The following ATP8A1 variants were observed in gnomAD, a reference collection of about 807,000 sequenced individuals.
The protein encoded by ATP8A1 is ATPase phospholipid transporting 8A1.
In ATP8A1, 90 loss-of-function variants were observed where a neutral mutation model predicts 177.7. The observed-to-expected ratio is 0.51, with a 90% CI of 0.43 to 0.60. The LOEUF is 0.60. Ranked by LOEUF, ATP8A1 falls within the 20% of genes least tolerant of loss-of-function variation. The pLI is 0.00. For synonymous variants in ATP8A1, 493 were observed against 485.9 expected, an observed-to-expected ratio of 1.01 and a Z score of -0.19; for missense variants, 1,072 against 1,392.8, an observed-to-expected ratio of 0.77 and a Z score of 3.67.
intron 16 of ATP8A1, 95 bp from the exon 17 acceptor site, chr4:42,552,705 T>C (rs1245954214): frequency 1.1e-6 from 1 of 881,974 alleles, no homozygotes; most frequent in Non-Finnish European, 1.8e-6. Flanking sequence ...ACATAGTTGT[T>C]GGCCAGACAT....
chr4:42,528,899 C>A (rs183400355), intron 20 of ATP8A1, among the ~76,000 whole-genome samples: 158 of 152,248 alleles, frequency 1.0e-3, no homozygotes, highest in Admixed American at 2.5e-3. Context: ...GACCTTCTAC[C>A]CCAGTAAAAT....
intron 33 of ATP8A1, among the ~76,000 whole-genome samples, chr4:42,438,656 C>T (rs748081125): frequency 2.1e-4 from 32 of 151,768 alleles, no homozygotes; most frequent in Non-Finnish European, 2.8e-4. Flanking sequence ...CTGGGAAAAG[C>T]GGGGAAATGG....
intron 3 of ATP8A1, chr4:42,625,232 T>C (rs1237687757): frequency 6.4e-6 from 1 of 156,852 alleles, no homozygotes; most frequent in Non-Finnish European, 1.4e-5. Flanking sequence ...ATGCTACTTT[T>C]TAATAAACTA....
chr4:42,478,018 C>T (rs891315516), intron 25 of ATP8A1, among the ~76,000 whole-genome samples: 1 of 151,780 alleles, frequency 6.6e-6, no homozygotes, highest in African/African-American at 2.4e-5. Context: ...ATTCGTTCTA[C>T]ATATAGTGAC....
chr4:42,627,499 A>G (rs1219747513), intron 1 of ATP8A1, among the ~76,000 whole-genome samples: 2 of 152,250 alleles, frequency 1.3e-5, no homozygotes, highest in South Asian at 2.1e-4. Flanking sequence ...AAGCATATGC[A>G]TTTAATACTT....
At chr4:42,566,536 C>T (rs1731366941) in intron 15 of ATP8A1, among the ~76,000 whole-genome samples, 1 of 152,164 alleles carries the variant, frequency 6.6e-6, no homozygotes, top group African/African-American at 2.4e-5. Context: ...AAGTTGTATG[C>T]CCTCATGCTA....
At chr4:42,609,871 C>T (rs566323751) in intron 5 of ATP8A1, among the ~76,000 whole-genome samples, 12 of 152,296 alleles carry the variant, frequency 7.9e-5, no homozygotes, top group African/African-American at 2.6e-4. Flanking sequence ...ATCCAAGTTC[C>T]TCACCCTGGT....
chr4:42,452,096 A>G (rs1318082834), intron 29 of ATP8A1, 37 bp from the exon 30 acceptor site: 3 of 1,443,006 alleles, frequency 2.1e-6, no homozygotes, highest in East Asian at 2.3e-5. Context: ...ACCATTTGCG[A>G]TAAACTAGCT....
intron 33 of ATP8A1, among the ~76,000 whole-genome samples, chr4:42,429,223 C>A (rs1368251294): frequency 2.6e-5 from 4 of 152,118 alleles, no homozygotes; most frequent in Non-Finnish European, 4.4e-5. Context: ...TGATTCAGCT[C>A]CATGACTATC....
At chr4:42,599,744 T>C (rs559982405) in intron 6 of ATP8A1, among the ~76,000 whole-genome samples, 22 of 152,276 alleles carry the variant, frequency 1.4e-4, no homozygotes, top group Non-Finnish European at 2.8e-4. Flanking sequence ...ACACCTCTAA[T>C]GTCCTGGCAA....
chr4:42,472,004 T>C, intron 25 of ATP8A1: 1 of 718,538 alleles, frequency 1.4e-6, no homozygotes. Flanking sequence ...TCTTTGTTCC[T>C]GTTCCTCAAC....
At chr4:42,439,396 G>A (rs981167791) in intron 33 of ATP8A1, among the ~76,000 whole-genome samples, 1 of 152,246 alleles carries the variant, frequency 6.6e-6, no homozygotes, top group Admixed American at 6.5e-5. Context: ...ATCACAAGAT[G>A]TTGGAAAGAT....
Position 42,455,585 on chromosome 4 carries a change from A to G in ATP8A1, c.2634T>C (p.Phe878=). Residue 878 remains phenylalanine (F), a synonymous_variant, in exon 28 of 37, where the codon TTT becomes TTC. Coordinates refer to ENST00000381668, the MANE Select transcript of ATP8A1 (RefSeq NM_006095.2). ...VLYIIEIWFA[F]VNGFSGQILF... ...GGATCTGTCCAGAAAAGCCATTAACAAAGGCAAACCAGATCTAGGAAAAAA... is the reference window on the plus strand; with the variant it reads ...GGATCTGTCCAGAAAAGCCATTAACGAAGGCAAACCAGATCTAGGAAAAAA... 1 of 1,613,442 alleles carries G rather than the reference A, an allele frequency of 6.2e-7. No individual in the cohort carries two copies. Among genetic ancestry groups the G allele is most frequent in the Non-Finnish European group, 8.5e-7 (1 of 1,179,688 alleles).
intron 1 of ATP8A1, among the ~76,000 whole-genome samples, chr4:42,647,655 T>A (rs561075674): frequency 6.6e-6 from 1 of 152,122 alleles, no homozygotes; most frequent in South Asian, 2.1e-4. Context: ...GCTGCTTGAT[T>A]GTGGCTCACG....
rs182422370 is a variant in ATP8A1 at position 42,454,579 on chromosome 4, C to T, written c.2817+718G>A. ...TTTTTTCCTCCTCACTCACATTAAA[C>T]AAGAAATTGAATTATTAACAAATAC... On this transcript the variant is annotated intron_variant, in intron 29 of 36. Transcript: ENST00000381668. Among the ~76,000 whole-genome samples, 3 of 152,094 alleles carry T rather than the reference C, an allele frequency of 2.0e-5. No individual in the cohort carries two copies. In the East Asian group the frequency reaches 5.8e-4, roughly 29 times the overall value.
At chr4:42,580,964 A>C (rs1454666382) in intron 10 of ATP8A1, among the ~76,000 whole-genome samples, 1 of 152,180 alleles carries the variant, frequency 6.6e-6, no homozygotes, top group Non-Finnish European at 1.5e-5. Context: ...ATTGCATTAA[A>C]ATTACAAGAC....
chr4:42,604,044 C>T (rs1032307336), intron 5 of ATP8A1, among the ~76,000 whole-genome samples: 48 of 152,180 alleles, frequency 3.2e-4, no homozygotes, highest in African/African-American at 1.2e-3. Context: ...ACTCCCAACA[C>T]ACCCTCCTTA....
At chr4:42,504,404 C>T (rs1186636348) in intron 23 of ATP8A1, among the ~76,000 whole-genome samples, 1 of 152,244 alleles carries the variant, frequency 6.6e-6, no homozygotes, top group East Asian at 1.9e-4. Context: ...CAGTTTTCAT[C>T]ATTTGGGTTA....
At position 42,624,592 on chromosome 4, in the gene ATP8A1, C is replaced by A; in HGVS notation, c.307G>T (p.Val103Phe). The A allele has an allele frequency of 6.7e-7, 1 of 1,487,944 alleles. No homozygotes were observed. The highest frequency in any genetic ancestry group is 2.2e-5 in the Admixed American group (1 of 45,530). 92.2% of individuals were successfully genotyped at this position (1,487,944 alleles called of 1,614,324 possible). A position where few individuals can be genotyped will look rare whatever the true frequency, so the allele number is the denominator to read the frequency against. The change falls in exon 4 of 37, where the codon GTT becomes TTT. Residue 103 changes from valine (V) to phenylalanine (F), a missense_variant. Val to Phe is a conservative substitution (Grantham distance 50, BLOSUM62 -1). This residue lies in a region of ATP8A1 where 344 missense variants were observed against 393.5 expected (regional missense o/e 0.87). Transcript: ENST00000381668. ...ACAGCTAAAATAAATAAGAGAGGAA[C>A]CAGTGTTGTATAACGACCTGTTGGT... ...VSPTGRYTTL[V>F]PLLFILAVAA...
Sources: gnomAD v4.1 joint callset for allele counts (sites outside exome capture counted in the v4.1 genomes callset) on GRCh38, gnomAD v4.1.1 for gene constraint, gnomAD v4.1.1 regional missense constraint, MANE v1.5 for transcripts, NCBI Gene and HGNC (gene_info 2026-07-23, HGNC 2026-07-21) for gene names.